The following DCC variants were observed in gnomAD, a reference collection of about 807,000 sequenced individuals.
The protein encoded by DCC is netrin receptor DCC.
Under a neutral mutation model 172.5 loss-of-function variants are expected in DCC, and 58 were observed. That is an observed-to-expected ratio of 0.34 (90% CI 0.27 to 0.42). The LOEUF (loss-of-function observed/expected upper bound fraction) is 0.42. DCC is among the 10% of genes least tolerant of loss of function. The probability of loss-of-function intolerance (pLI) is 1.00; values close to 1 mark genes in which losing one functional copy is unlikely to be tolerated. For missense variants in DCC, 1,740 were observed against 1,791.0 expected, an observed-to-expected ratio of 0.97 and a Z score of 0.51; for synonymous variants, 709 against 644.5, an observed-to-expected ratio of 1.10 and a Z score of -1.52.
intron 14 of DCC, among the ~76,000 whole-genome samples, chr18:53,327,000 A>G (rs1425680336): frequency 6.6e-6 from 1 of 152,118 alleles, no homozygotes; most frequent in African/African-American, 2.4e-5. Flanking sequence ...ATTACTGCAT[A>G]ACTCTGAGCC....
At chr18:53,311,311 C>T (rs1056237810) in intron 13 of DCC, among the ~76,000 whole-genome samples, 9 of 152,038 alleles carry the variant, frequency 5.9e-5, no homozygotes, top group South Asian at 4.1e-4. Context: ...TTAGTAGAGA[C>T]GAGGTTTCGC....
intron 2 of DCC, chr18:52,758,836 A>C (rs923735503): frequency 6.6e-6 from 1 of 152,204 alleles, no homozygotes; most frequent in Non-Finnish European, 1.5e-5. Context: ...CCTGTGCAGC[A>C]GTCTGGAAAA....
intron 25 of DCC, among the ~76,000 whole-genome samples, chr18:53,472,605 A>C (rs1039378105): frequency 3.3e-5 from 5 of 152,232 alleles, no homozygotes; most frequent in African/African-American, 1.2e-4. Flanking sequence ...CCCATATGCC[A>C]TTGCTTTTTC....
intron 26 of DCC, among the ~76,000 whole-genome samples, chr18:53,494,900 T>C (rs1398510498): frequency 1.3e-5 from 2 of 152,210 alleles, no homozygotes; most frequent in Non-Finnish European, 2.9e-5. Flanking sequence ...ATCATGTCAA[T>C]GGTCTTTACA....
At chr18:52,884,227 AT>A (rs2039537093) in intron 2 of DCC, among the ~76,000 whole-genome samples, 1 of 152,028 alleles carries the variant, frequency 6.6e-6, no homozygotes, top group African/African-American at 2.4e-5. Flanking sequence ...GTGCTTGAAT[AT>A]TGATATATTT....
intron 2 of DCC, among the ~76,000 whole-genome samples, chr18:52,779,450 C>T (rs1037600746): frequency 2.4e-5 from 3 of 122,702 alleles, no homozygotes; most frequent in East Asian, 5.6e-4. Flanking sequence ...TGATAGTTTC[C>T]AACTTCATCC....
At chr18:53,093,882 T>A (rs886659741) in intron 7 of DCC, among the ~76,000 whole-genome samples, 3 of 152,080 alleles carry the variant, frequency 2.0e-5, no homozygotes, top group African/African-American at 7.2e-5. Flanking sequence ...ATTCCCATCA[T>A]CCCCTCGCCA....
intron 2 of DCC, among the ~76,000 whole-genome samples, chr18:52,834,969 G>A (rs554715880): frequency 2.6e-5 from 4 of 152,100 alleles, no homozygotes; most frequent in Non-Finnish European, 2.9e-5. Context: ...GTTACTGCTC[G>A]ATATTAAACT....
At chr18:52,697,829 G>A (rs1330443121) in intron 1 of DCC, among the ~76,000 whole-genome samples, 3 of 152,218 alleles carry the variant, frequency 2.0e-5, no homozygotes, top group East Asian at 1.9e-4. Context: ...TCTGGAAGAC[G>A]TTTTTGGAAA....
intron 12 of DCC, among the ~76,000 whole-genome samples, chr18:53,257,420 G>T (rs896413310): frequency 5.3e-5 from 8 of 152,180 alleles, no homozygotes; most frequent in Admixed American, 3.3e-4. Context: ...TTTTTAGCAT[G>T]AAAGTTGTTG....
intron 5 of DCC, among the ~76,000 whole-genome samples, chr18:52,961,137 G>A (rs1363941410): frequency 1.3e-5 from 2 of 152,126 alleles, no homozygotes; most frequent in Non-Finnish European, 2.9e-5. Context: ...GTGGGGGCCT[G>A]TTGTGCGGTG....
chr18:52,725,312 C>G (rs1157519647), intron 1 of DCC, among the ~76,000 whole-genome samples: 1 of 152,130 alleles, frequency 6.6e-6, no homozygotes, highest in Non-Finnish European at 1.5e-5. Flanking sequence ...CCAGCACTGC[C>G]CCTTGAAGTC....
intron 7 of DCC, among the ~76,000 whole-genome samples, chr18:53,105,162 A>G (rs2043227027): frequency 6.6e-6 from 1 of 152,050 alleles, no homozygotes; most frequent in African/African-American, 2.4e-5. Flanking sequence ...TGTGACTAAA[A>G]GGTTCTATGC....
chr18:53,056,801 C>G (rs2042410480), intron 5 of DCC, among the ~76,000 whole-genome samples: 2 of 151,754 alleles, frequency 1.3e-5, no homozygotes, highest in Admixed American at 6.6e-5. Flanking sequence ...CTAATAAAAT[C>G]TGTTCATCAA....
intron 1 of DCC, among the ~76,000 whole-genome samples, chr18:52,508,317 T>C (rs1013287716): frequency 7.2e-5 from 11 of 152,182 alleles, no homozygotes; most frequent in Admixed American, 7.2e-4. Context: ...ATCATCTTTA[T>C]ACATTTTATC....
intron 7 of DCC, among the ~76,000 whole-genome samples, chr18:53,095,166 T>C (rs1233450084): frequency 6.6e-6 from 1 of 152,218 alleles, no homozygotes; most frequent in African/African-American, 2.4e-5. Flanking sequence ...TTGCAGTCTT[T>C]TTATAGAGGT....
At chr18:52,873,718 C>T (rs979426535) in intron 2 of DCC, among the ~76,000 whole-genome samples, 20 of 151,944 alleles carry the variant, frequency 1.3e-4, no homozygotes, top group African/African-American at 4.4e-4. Context: ...ATATGACAAT[C>T]GAAGTAACAC....
chr18:53,451,910 A>G (rs777001952), intron 23 of DCC, among the ~76,000 whole-genome samples: 8 of 152,134 alleles, frequency 5.3e-5, no homozygotes, highest in South Asian at 2.1e-4. Flanking sequence ...ATTTATTTCT[A>G]TGGCAGGACA....
intron 1 of DCC, among the ~76,000 whole-genome samples, chr18:52,392,155 G>T (rs72916984): frequency 0.091 from 13,890 of 152,226 alleles, 829 homozygotes; most frequent in South Asian, 0.16. Flanking sequence ...TCAACGTGAA[G>T]CTCTAGGTAA....
Sources: gnomAD v4.1 joint callset for allele counts (sites outside exome capture counted in the v4.1 genomes callset) on GRCh38, gnomAD v4.1.1 for gene constraint, MANE v1.5 for transcripts, NCBI Gene and HGNC (gene_info 2026-07-23, HGNC 2026-07-21) for gene names.